Variants in ALPP observed in about 807,000 individuals in gnomAD.
ALPP encodes alkaline phosphatase, placental.
In ALPP, 39 loss-of-function variants were observed where a neutral mutation model predicts 50.7. The ratio of observed to expected loss-of-function variants is 0.77; its 90% CI spans 0.60 to 1.00. The LOEUF is 1.00. Ranked by LOEUF, ALPP falls within the 50% of genes least tolerant of loss-of-function variation. The pLI is 0.00. For missense variants in ALPP, 550 were observed against 746.8 expected, an observed-to-expected ratio of 0.74 and a Z score of 3.07; for synonymous variants, 226 against 320.3, an observed-to-expected ratio of 0.71 and a Z score of 3.14.
rs768298169 is a variant in ALPP, at chr2:232,379,939, G to A, written c.657+3G>A. 3 of 1,601,320 alleles carry A rather than the reference G, an allele frequency of 1.9e-6. No homozygotes were observed. The highest frequency in any genetic ancestry group is 2.6e-6 in the Non-Finnish European group (3 of 1,173,710). ...TCATCTCCAACATGGACATTGACGT[G>A]CGACCCCCAGGCCAAGGGCTGGGGC... is the stretch of plus-strand genomic sequence containing the variant. On this transcript the variant is annotated splice_donor_region_variant and intron_variant, in intron 5 of 10. Transcript: ENST00000392027.
rs1049084 is a variant in ALPP at position 232,382,224 on chromosome 2, G to A, written c.*429G>A. On this transcript the variant is annotated 3_prime_UTR_variant, in exon 11 of 11. Coordinates refer to ENST00000392027, the MANE Select transcript of ALPP (RefSeq NM_001632.5). Reference sequence around the variant, plus strand: ...GGGATCTTCAGGACGCCTGGAGAAGGGTGGTTTCCTGCCACCCTGCTGGCC... The same window carrying A: ...GGGATCTTCAGGACGCCTGGAGAAGAGTGGTTTCCTGCCACCCTGCTGGCC... The A allele has an allele frequency of 1.4e-5, 3 of 216,486 alleles. No homozygotes were observed. Among genetic ancestry groups the A allele is most frequent in the Admixed American group, 5.3e-5 (1 of 19,010 alleles). 13.4% of individuals were successfully genotyped at this position (216,486 alleles called of 1,614,324 possible).
rs1293688752 is a variant in ALPP at position 232,379,265 on chromosome 2, C to A, written c.259C>A (p.Pro87Thr). ...AGGGCAGAAGAAGGACAAACTGGGGCCTGAGATACCCCTGGCCATGGACCG... is the reference window on the plus strand; with the variant it reads ...AGGGCAGAAGAAGGACAAACTGGGGACTGAGATACCCCTGGCCATGGACCG... ...LKGQKKDKLG[P>T]EIPLAMDRFP... Residue 87 changes from proline to threonine, a missense_variant, in exon 3 of 11, where the codon CCT becomes ACT. Pro to Thr is a conservative substitution (Grantham distance 38). Transcript: ENST00000392027. 4.3e-6 allele frequency: 7 copies of A among 1,613,924 alleles called. No homozygotes were observed. In the African/African-American group the frequency reaches 6.7e-5, roughly 15 times the overall value.
chr2:232,380,593 C>A, intron 7 of ALPP, 30 bp from the exon 8 acceptor site: 1 of 1,613,916 alleles, frequency 6.2e-7, no homozygotes, highest in Non-Finnish European at 8.5e-7. Flanking sequence ...CCCCAGCCTG[C>A]CAGTCACCAC....
Position 232,379,262 on chromosome 2 carries a change from G to C in ALPP, c.256G>C (p.Gly86Arg). The C allele has an allele frequency of 1.2e-6, 2 of 1,614,020 alleles. No homozygotes were observed. Among genetic ancestry groups the C allele is most frequent in the South Asian group, 2.2e-5 (2 of 91,070 alleles). ...ILKGQKKDKL[G>R]PEIPLAMDRF... ...AAAAGGGCAGAAGAAGGACAAACTG[G>C]GGCCTGAGATACCCCTGGCCATGGA... Residue 86 changes from glycine to arginine, a missense_variant, in exon 3 of 11, where the codon GGG becomes CGG. Gly to Arg is a moderately radical substitution (Grantham distance 125). Around this residue, in one of 5 missense-constraint regions of ALPP, gnomAD observed 376 missense variants for 388.5 expected, o/e 0.97. Transcript: ENST00000392027.
At position 232,378,987 on chromosome 2, in the gene ALPP, G is replaced by C; in HGVS notation, c.93G>C (p.Pro31=). 3.7e-6 allele frequency: 6 copies of C among 1,614,126 alleles called. No individual in the cohort carries two copies. The highest frequency in any genetic ancestry group is 5.1e-6 in the Non-Finnish European group (6 of 1,180,036). The change falls in exon 2 of 11, where the codon CCG becomes CCC. Residue 31 remains proline (P), a synonymous_variant. Transcript: ENST00000392027. ...LGIIPVEEEN[P]DFWNREAAEA... is the part of the protein sequence containing the mutation. ...CCTGGCCAGTTGAGGAGGAGAACCC[G>C]GACTTCTGGAACCGCGAGGCAGCCG...
chr2:232,380,095 C>T, intron 5 of ALPP, 91 bp from the exon 6 acceptor site: 1 of 1,601,312 alleles, frequency 6.2e-7, no homozygotes, highest in Admixed American at 1.7e-5. Context: ...ATTCCCACAG[C>T]CTTGGGGAGG....
In ALPP at chr2:232,379,606, A is replaced by G; in HGVS notation, c.403A>G (p.Ser135Gly). The G allele has an allele frequency of 6.2e-7, 1 of 1,613,984 alleles. No homozygotes were observed. Among genetic ancestry groups the G allele is most frequent in the East Asian group, 2.2e-5 (1 of 44,870 alleles). Reference sequence around the variant, plus strand: ...GGGCAACTTCCAGACCATTGGCTTGAGTGCAGCCGCCCGCTTTAACCAGTG... The same window carrying G: ...GGGCAACTTCCAGACCATTGGCTTGGGTGCAGCCGCCCGCTTTAACCAGTG... The part of the protein sequence containing the change: ...VKGNFQTIGL[S>G]AAARFNQCNT... The change falls in exon 4 of 11, where the codon AGT becomes GGT. Residue 135 changes from serine (S) to glycine (G), a missense_variant. This residue lies in a region of ALPP where 376 missense variants were observed against 388.5 expected (regional missense o/e 0.97). Coordinates refer to ENST00000392027, the MANE Select transcript of ALPP (RefSeq NM_001632.5).
Position 232,379,064 on chromosome 2 carries a change from A to T in ALPP, c.170A>T (p.Asn57Ile). 1 of 1,613,866 alleles carries T rather than the reference A, an allele frequency of 6.2e-7. No individual in the cohort carries two copies. Reference sequence around the variant, plus strand: ...CAGCCTGCACAGACAGCCGCCAAGAACCTCATCATCTTCCTGGGCGATGGT... The same window carrying T: ...CAGCCTGCACAGACAGCCGCCAAGATCCTCATCATCTTCCTGGGCGATGGT... ...KLQPAQTAAK[N>I]LIIFLGDGMG... The change falls in exon 2 of 11, where the codon AAC becomes ATC. Residue 57 changes from asparagine to isoleucine, a missense_variant. Asn to Ile is a moderately radical substitution (Grantham distance 149). This residue lies in a region of ALPP where 376 missense variants were observed against 388.5 expected (regional missense o/e 0.97). Coordinates refer to ENST00000392027, the MANE Select transcript of ALPP (RefSeq NM_001632.5).
chr2:232,380,277 T>C lies in ALPP; in HGVS notation c.749T>C (p.Leu250Pro). Residue 250 changes from leucine to proline, a missense_variant, in exon 6 of 11, where the codon CTG becomes CCG. By Grantham distance (98) the Leu-to-Pro change is moderately conservative. Around this residue, in one of 5 missense-constraint regions of ALPP, gnomAD observed 376 missense variants for 388.5 expected, o/e 0.97. Transcript: ENST00000392027. ...PDDYSQGGTRLDGKNLVQEWL... is the reference protein window; with the variant it reads ...PDDYSQGGTRPDGKNLVQEWL... ...GACTACAGCCAAGGTGGGACCAGGC[T>C]GGACGGGAAGAATCTGGTGCAGGAA... 6.2e-7 allele frequency: 1 copy of C among 1,611,950 alleles called. No homozygotes were observed. Among genetic ancestry groups the C allele is most frequent in the African/African-American group, 1.3e-5 (1 of 74,122 alleles).
At position 232,381,382 on chromosome 2, in the gene ALPP, G is replaced by C. The variant is rs1277156913; in HGVS notation, c.1309+15G>C. On this transcript the variant is annotated intron_variant, in intron 10 of 10. Transcript: ENST00000392027. ...GAGCGAGAGCGGTGAGTGCCGCGGGGTGGCCCCCTGAGGGGGACCAGGGTG... is the reference window on the plus strand; with the variant it reads ...GAGCGAGAGCGGTGAGTGCCGCGGGCTGGCCCCCTGAGGGGGACCAGGGTG... 1 of 1,613,974 alleles carries C rather than the reference G, an allele frequency of 6.2e-7. No individual in the cohort carries two copies. The highest frequency in any genetic ancestry group is 8.5e-7 in the Non-Finnish European group (1 of 1,180,010).
intron 9 of ALPP, 104 bp from the exon 10 acceptor site, chr2:232,381,147 C>T (rs1696702161): frequency 6.2e-7 from 1 of 1,603,974 alleles, no homozygotes; most frequent in Admixed American, 1.7e-5. Context: ...GTAGGGTCTC[C>T]TGAGGACTAA....
chr2:232,379,942 AC>A lies in ALPP; in HGVS notation c.657+11del. The A allele has an allele frequency of 6.3e-7, 1 of 1,599,442 alleles. No homozygotes were observed. ...TCTCCAACATGGACATTGACGTGCG[AC>A]CCCCAGGCCAAGGGCTGGGGCTGGG... On this transcript the variant is annotated splice_region_variant and intron_variant, in intron 5 of 10. Coordinates refer to ENST00000392027, the MANE Select transcript of ALPP (RefSeq NM_001632.5).
At position 232,379,103 on chromosome 2, in the gene ALPP, C is replaced by T. The variant is rs757210032; in HGVS notation, c.193+16C>T. The T allele has an allele frequency of 1.2e-6, 2 of 1,614,124 alleles. No individual in the cohort carries two copies. Among genetic ancestry groups the T allele is most frequent in the Non-Finnish European group, 1.7e-6 (2 of 1,180,028 alleles). On this transcript the variant is annotated intron_variant, in intron 2 of 10. Transcript: ENST00000392027. ...CTGGGCGATGGTGAGTGAGCCAGGC[C>T]TTCCAGCCCTGCAGCCCTCACAGCC...
rs1696716392 is a variant in ALPP, at chr2:232,381,649, G to A, written c.1462G>A (p.Ala488Thr). ...CATAGCGCACGTCATGGCCTTCGCC[G>A]CCTGCCTGGAGCCCTACACCGCCTG... ...TFIAHVMAFAACLEPYTACDL... is the reference protein window; with the variant it reads ...TFIAHVMAFATCLEPYTACDL... The change falls in exon 11 of 11, where the codon GCC becomes ACC. Residue 488 changes from alanine to threonine, a missense_variant. By Grantham distance (58) the Ala-to-Thr change is moderately conservative. This residue lies in a region of ALPP where 155 missense variants were observed against 167.6 expected (regional missense o/e 0.92). Transcript: ENST00000392027. The A allele has an allele frequency of 6.2e-7, 1 of 1,611,222 alleles. No individual in the cohort carries two copies. The highest frequency in any genetic ancestry group is 1.3e-5 in the African/African-American group (1 of 74,864).
Position 232,379,615 on chromosome 2 carries a change from G to T in ALPP, c.412G>T (p.Ala138Ser). ...NFQTIGLSAA[A>S]RFNQCNTTRG... ...CCAGACCATTGGCTTGAGTGCAGCCGCCCGCTTTAACCAGTGCAACACGAC... is the reference window on the plus strand; with the variant it reads ...CCAGACCATTGGCTTGAGTGCAGCCTCCCGCTTTAACCAGTGCAACACGAC... Residue 138 changes from alanine (A) to serine (S), a missense_variant, in exon 4 of 11, where the codon GCC (alanine) becomes TCC (serine). By Grantham distance (99) the Ala-to-Ser change is moderately conservative. Coordinates refer to ENST00000392027, the MANE Select transcript of ALPP (RefSeq NM_001632.5). The T allele has an allele frequency of 1.2e-6, 2 of 1,613,884 alleles. No homozygotes were observed. The highest frequency in any genetic ancestry group is 8.5e-7 in the Non-Finnish European group (1 of 1,179,964).
rs1178030493 is a variant in ALPP, at chr2:232,379,169, G to A, written c.194-31G>A. On this transcript the variant is annotated intron_variant, in intron 2 of 10. Coordinates refer to ENST00000392027, the MANE Select transcript of ALPP (RefSeq NM_001632.5). ...TCAGTGGTTCCAGGAGAGCCCTGGGGCCCAAGCCTCACACATTTCTGTTCC... is the reference window on the plus strand; with the variant it reads ...TCAGTGGTTCCAGGAGAGCCCTGGGACCCAAGCCTCACACATTTCTGTTCC... 1.9e-6 allele frequency: 3 copies of A among 1,614,002 alleles called. No homozygotes were observed. In the African/African-American group the frequency reaches 4.0e-5, roughly 22 times the overall value.
At position 232,380,178 on chromosome 2, in the gene ALPP, G is replaced by A; in HGVS notation, c.658-8G>A. On this transcript the variant is annotated splice_polypyrimidine_tract_variant and splice_region_variant and intron_variant, in intron 5 of 10. Coordinates refer to ENST00000392027, the MANE Select transcript of ALPP (RefSeq NM_001632.5). ...CCCAAATCCACCTGCCCCATCCTCT[G>A]TTCCCAGGTGATCCTAGGTGGAGGC... The A allele has an allele frequency of 1.9e-6, 3 of 1,614,102 alleles. No homozygotes were observed. The highest frequency in any genetic ancestry group is 2.5e-6 in the Non-Finnish European group (3 of 1,179,970).
chr2:232,382,679 C>G lies in ALPP; in HGVS notation c.*884C>G, dbSNP rs868548883. 2.6e-5 allele frequency: 4 copies of G among 152,266 alleles called. No homozygotes were observed. Among genetic ancestry groups the G allele is most frequent in the Admixed American group, 1.3e-4 (2 of 15,300 alleles). The allele number at this position is 152,266 out of a possible 1,614,324, so 9.4% of individuals were successfully genotyped here. On this transcript the variant is annotated 3_prime_UTR_variant, in exon 11 of 11. Transcript: ENST00000392027. Reference sequence around the variant, plus strand: ...GAGATGGAGACCATCCTGGCTAACACGGTGAAACCCCTTATCTATGCGCCT... The same window carrying G: ...GAGATGGAGACCATCCTGGCTAACAGGGTGAAACCCCTTATCTATGCGCCT...
chr2:232,379,052 C>G lies in ALPP; in HGVS notation c.158C>G (p.Thr53Arg), dbSNP rs1696651848. Residue 53 changes from threonine (T) to arginine (R), a missense_variant, in exon 2 of 11, where the codon ACA becomes AGA. By Grantham distance (71) the Thr-to-Arg change is moderately conservative. Coordinates refer to ENST00000392027, the MANE Select transcript of ALPP (RefSeq NM_001632.5). The part of the protein sequence containing the change: ...GAAKKLQPAQ[T>R]AAKNLIIFLG... ...GCCAAGAAGCTGCAGCCTGCACAGA[C>G]AGCCGCCAAGAACCTCATCATCTTC... is the stretch of plus-strand genomic sequence containing the variant. 1 of 1,614,036 alleles carries G rather than the reference C, an allele frequency of 6.2e-7. No individual in the cohort carries two copies. Among genetic ancestry groups the G allele is most frequent in the Non-Finnish European group, 8.5e-7 (1 of 1,180,048 alleles).
Sources: gnomAD v4.1 joint callset for allele counts on GRCh38, gnomAD v4.1.1 for gene constraint, gnomAD v4.1.1 regional missense constraint, MANE v1.5 for transcripts, NCBI Gene and HGNC (gene_info 2026-07-23, HGNC 2026-07-21) for gene names.